The following NFIC variants were observed in gnomAD, a reference collection of about 807,000 sequenced individuals.
NFIC encodes nuclear factor 1 C-type.
Under a neutral mutation model 54.4 loss-of-function variants are expected in NFIC, and 12 were observed. The ratio of observed to expected loss-of-function variants is 0.22; its 90% CI spans 0.14 to 0.36. The LOEUF is 0.36. NFIC is among the 10% of genes least tolerant of loss of function. NFIC has a pLI of 1.00. For synonymous variants in NFIC, 322 were observed against 319.2 expected, an observed-to-expected ratio of 1.01 and a Z score of -0.09; for missense variants, 575 against 718.2, an observed-to-expected ratio of 0.80 and a Z score of 2.28.
At chr19:3,405,087 A>G (rs543132964) in intron 2 of NFIC, among the ~76,000 whole-genome samples, 6 of 152,358 alleles carry the variant, frequency 3.9e-5, no homozygotes, top group Admixed American at 1.3e-4. Flanking sequence ...GGGTGGAAAG[A>G]AAAAAGAAAC....
In NFIC at chr19:3,459,075, G is replaced by GTTGA. The variant is rs527949961; in HGVS notation, c.1509+2440_1509+2441insTTGA. Among the ~76,000 whole-genome samples, 9 of 152,260 alleles carry GTTGA rather than the reference G, an allele frequency of 5.9e-5. No individual in the cohort carries two copies. In the South Asian group the frequency reaches 1.9e-3, roughly 32 times the overall value. Reference sequence around the variant, plus strand: ...TCCCCTCTCCCAGCTCCCGCTCAAAGGGCCCTGAGCTTGGAGGCCTCTCAT... The same window carrying GTTGA: ...TCCCCTCTCCCAGCTCCCGCTCAAAGTTGAGGCCCTGAGCTTGGAGGCCTCTCAT... On this transcript the variant is annotated intron_variant, in intron 10 of 10. Transcript: ENST00000443272. This position sits in a 1 kb window ranked among gnomAD's most constrained non-coding sequence, Gnocchi z 4.2.
At chr19:3,425,608 T>C (rs2082015294) in intron 3 of NFIC, among the ~76,000 whole-genome samples, 1 of 151,834 alleles carries the variant, frequency 6.6e-6, no homozygotes, top group Admixed American at 6.6e-5. Flanking sequence ...TACAGGTACC[T>C]GCCACCACAC....
chr19:3,409,192 G>T (rs2081707999), intron 2 of NFIC, among the ~76,000 whole-genome samples: 1 of 152,120 alleles, frequency 6.6e-6, no homozygotes. Context: ...CCACGCTGCA[G>T]CCTGGGGTCT....
intron 1 of NFIC, among the ~76,000 whole-genome samples, chr19:3,373,620 C>CG (rs1555739680): frequency 7.5e-6 from 1 of 133,868 alleles, no homozygotes; most frequent in Non-Finnish European, 1.6e-5. Context: ...TTCCTGGACC[C>CG]CCCCCCCAAG....
chr19:3,398,147 T>G (rs2081495062), intron 2 of NFIC, among the ~76,000 whole-genome samples: 1 of 152,144 alleles, frequency 6.6e-6, no homozygotes, highest in African/African-American at 2.4e-5. Flanking sequence ...CCGTGCAGAC[T>G]TGGCAATTCC....
In NFIC at chr19:3,425,267, G is replaced by A. The variant is rs762100981; in HGVS notation, c.634+90G>A. The A allele has an allele frequency of 4.9e-5, 69 of 1,410,740 alleles. No individual in the cohort carries two copies. The East Asian group carries it at 5.3e-4, about 11-fold the overall frequency. 87.4% of individuals were successfully genotyped at this position (1,410,740 alleles called of 1,614,324 possible). On this transcript the variant is annotated intron_variant, in intron 3 of 10. Coordinates refer to ENST00000443272, the MANE Select transcript of NFIC (RefSeq NM_001245002.2). ...GGGAATCATTTGCTTGGCACCACTC[G>A]TTTTACAGATGAGCAGACTGAGGCT...
rs1436816786 is a variant in NFIC at position 3,370,029 on chromosome 19, A to G, written c.30+3363A>G. On this transcript the variant is annotated intron_variant, in intron 1 of 10. Transcript: ENST00000443272. The surrounding 1 kb of genome is among the most constrained non-coding windows in gnomAD (Gnocchi z 5.2). ...TGGATTTTCTAGATCTTCCTTAAGC[A>G]TCTCCTGGGCCCTGGGGATAGGTGG... Among the ~76,000 whole-genome samples the G allele has an allele frequency of 6.6e-6, 1 of 151,830 alleles. No homozygotes were observed. Among genetic ancestry groups the G allele is most frequent in the Non-Finnish European group, 1.5e-5 (1 of 67,926 alleles).
chr19:3,380,918 C>T (rs572158918), intron 1 of NFIC, among the ~76,000 whole-genome samples: 6 of 152,052 alleles, frequency 3.9e-5, no homozygotes, highest in Admixed American at 1.3e-4. Flanking sequence ...CCTCCCGAAG[C>T]GCTGGGATTA....
chr19:3,403,003 A>G (rs1469197271), intron 2 of NFIC, among the ~76,000 whole-genome samples: 1 of 152,144 alleles, frequency 6.6e-6, no homozygotes, highest in East Asian at 1.9e-4. Flanking sequence ...CCTTTCCCTG[A>G]CAAGCATTTA....
At chr19:3,462,712 T>C (rs781421781) in intron 10 of NFIC, 40 bp from the exon 11 acceptor site, 2 of 1,610,896 alleles carry the variant, frequency 1.2e-6, no homozygotes, top group Non-Finnish European at 1.7e-6. Context: ...TTCTCTCCCT[T>C]TTTCTCTCTC....
rs2082596211 is a variant in NFIC at position 3,458,681 on chromosome 19, G to A, written c.1509+2046G>A. Among the ~76,000 whole-genome samples, 1 of 151,924 alleles carries A rather than the reference G, an allele frequency of 6.6e-6. No individual in the cohort carries two copies. The highest frequency in any genetic ancestry group is 1.5e-5 in the Non-Finnish European group (1 of 67,922). On this transcript the variant is annotated intron_variant, in intron 10 of 10. Transcript: ENST00000443272. The surrounding 1 kb of genome is among the most constrained non-coding windows in gnomAD (Gnocchi z 4.1). Reference sequence around the variant, plus strand: ...AGCATAGGCAATGGTGTGGGTCGGGGGAGGGGGAGCTGGCTGGAATGTGAG... The same window carrying A: ...AGCATAGGCAATGGTGTGGGTCGGGAGAGGGGGAGCTGGCTGGAATGTGAG...
chr19:3,381,644 G>C, intron 1 of NFIC, 68 bp from the exon 2 acceptor site: 3 of 1,539,784 alleles, frequency 1.9e-6, no homozygotes, highest in Non-Finnish European at 2.6e-6. Flanking sequence ...CTCAGCCTTC[G>C]GGGCCGGGCA....
chr19:3,371,589 A>G (rs771319945), intron 1 of NFIC: 3 of 152,192 alleles, frequency 2.0e-5, no homozygotes, highest in African/African-American at 4.8e-5. Context: ...AATAAAAAAC[A>G]TAATGGCACT....
intron 6 of NFIC, among the ~76,000 whole-genome samples, chr19:3,444,571 G>T (rs1185407216): frequency 6.6e-6 from 1 of 152,188 alleles, no homozygotes; most frequent in African/African-American, 2.4e-5. Flanking sequence ...TCTTTCTCGC[G>T]GTGCCTGAGC....
chr19:3,385,415 G>T (rs933379585), intron 2 of NFIC, among the ~76,000 whole-genome samples: 6 of 152,246 alleles, frequency 3.9e-5, no homozygotes, highest in South Asian at 4.1e-4. Flanking sequence ...CAGGGTGAGA[G>T]CTCAGTAAAC....
At chr19:3,414,808 GTTTGTTTTTTTGTTTTTTTGTTT>G (rs949281295) in intron 2 of NFIC, among the ~76,000 whole-genome samples, 80 of 151,768 alleles carry the variant, frequency 5.3e-4, no homozygotes, top group Non-Finnish European at 9.0e-4. Context: ...AAAGTGCTTA[GTTTGTTTTTTTGTTTTTTTGTTT>G]TTTGTTTTTT....
chr19:3,391,044 G>A (rs950940939), intron 2 of NFIC, among the ~76,000 whole-genome samples: 1 of 152,114 alleles, frequency 6.6e-6, no homozygotes, highest in African/African-American at 2.4e-5. Flanking sequence ...AAGGCCAGGA[G>A]TTCGAGACCA....
intron 5 of NFIC, among the ~76,000 whole-genome samples, chr19:3,434,658 A>G (rs935427288): frequency 6.6e-6 from 1 of 151,928 alleles, no homozygotes; most frequent in Non-Finnish European, 1.5e-5. Flanking sequence ...CTCCCCACCC[A>G]GAAGAATGCA....
intron 2 of NFIC, among the ~76,000 whole-genome samples, chr19:3,417,724 C>T (rs906527357): frequency 6.8e-6 from 1 of 147,994 alleles, no homozygotes; most frequent in African/African-American, 2.5e-5. Flanking sequence ...CTCCCGGGTT[C>T]ACGCCATTCT....
Sources: gnomAD v4.1 joint callset for allele counts (sites outside exome capture counted in the v4.1 genomes callset) on GRCh38, gnomAD v4.1.1 for gene constraint, Gnocchi (gnomAD v3.1) non-coding constraint, MANE v1.5 for transcripts, NCBI Gene and HGNC (gene_info 2026-07-23, HGNC 2026-07-21) for gene names.